The following PCDHA5 variants were observed in gnomAD, a reference collection of about 807,000 sequenced individuals.
The protein encoded by PCDHA5 is protocadherin alpha 5, also known as protocadherin alpha-5.
A neutral mutation model predicts 61.6 loss-of-function variants in PCDHA5; 43 were observed. That is an observed-to-expected ratio of 0.70 (90% CI 0.55 to 0.90). The LOEUF (loss-of-function observed/expected upper bound fraction) is 0.90, where lower values mean the gene tolerates loss of function less well. Among genes scored for constraint, PCDHA5 ranks in the 40% least tolerant of loss-of-function variants. The probability of loss-of-function intolerance (pLI) is 0.00; values close to 1 mark genes in which losing one functional copy is unlikely to be tolerated. For missense variants in PCDHA5, 1,298 were observed against 1,222.7 expected (o/e 1.06, Z -0.92); for synonymous variants, 627 against 543.9 (o/e 1.15, Z -2.13).
chr5:140,948,645 C>T (rs1468901970), intron 1 of PCDHA5, among the ~76,000 whole-genome samples: 1 of 151,562 alleles, frequency 6.6e-6, no homozygotes. Flanking sequence ...CATCTTTTAA[C>T]GTCTGTATAA....
At chr5:140,907,071 C>T (rs1220660624) in intron 1 of PCDHA5, among the ~76,000 whole-genome samples, 1 of 152,156 alleles carries the variant, frequency 6.6e-6, no homozygotes, top group African/African-American at 2.4e-5. Flanking sequence ...TAGTGGGTCA[C>T]TAGGGGTGAT....
At chr5:140,872,804 A>G (rs918819226) in intron 1 of PCDHA5, among the ~76,000 whole-genome samples, 1 of 152,170 alleles carries the variant, frequency 6.6e-6, no homozygotes, top group Admixed American at 6.5e-5. Flanking sequence ...ATTCTTCCAT[A>G]AGTTTTTCAG....
At chr5:140,920,133 C>T (rs1463322279) in intron 1 of PCDHA5, among the ~76,000 whole-genome samples, 1 of 152,178 alleles carries the variant, frequency 6.6e-6, no homozygotes, top group African/African-American at 2.4e-5. Flanking sequence ...AGTTTTAATT[C>T]TCCTCTCCAA....
intron 1 of PCDHA5, among the ~76,000 whole-genome samples, chr5:140,937,011 G>A (rs567332621): frequency 9.2e-5 from 14 of 151,352 alleles, no homozygotes; most frequent in Non-Finnish European, 1.8e-4. Flanking sequence ...ACAGACAACC[G>A]ATTAACAAGG....
At chr5:140,975,326 G>A (rs901942738) in intron 1 of PCDHA5, among the ~76,000 whole-genome samples, 2 of 152,216 alleles carry the variant, frequency 1.3e-5, no homozygotes, top group Non-Finnish European at 2.9e-5. Flanking sequence ...GTCCCATCCA[G>A]ATGATCTCCC....
In PCDHA5 at chr5:140,849,948, C is replaced by T. The variant is rs2150459540; in HGVS notation, c.2352+25821C>T. ...GGTGTCTGCGCGGGACGCTGACGCG[C>T]AGGAGAACGCCCTGGTGTCCTACTC... On this transcript the variant is annotated intron_variant, in intron 1 of 3. Coordinates refer to ENST00000529859, the MANE Select transcript of PCDHA5 (RefSeq NM_018908.3). 4 of 1,597,728 alleles carry T rather than the reference C, an allele frequency of 2.5e-6. 1 individual carries two copies. The East Asian group carries it at 8.9e-5, about 36-fold the overall frequency.
chr5:140,870,080 C>T (rs2051640102), intron 1 of PCDHA5: 1 of 1,613,722 alleles, frequency 6.2e-7, no homozygotes, highest in Non-Finnish European at 8.5e-7. Flanking sequence ...GATAAGGGGA[C>T]TCCCCCAATG....
At chr5:140,837,860 G>A (rs2150280331) in intron 1 of PCDHA5, among the ~76,000 whole-genome samples, 4 of 151,378 alleles carry the variant, frequency 2.6e-5, no homozygotes, top group Admixed American at 6.6e-5. Context: ...TTTTATTTTT[G>A]TAGAGACAGG....
chr5:140,926,767 C>A (rs1323702990), intron 1 of PCDHA5: 1 of 1,359,024 alleles, frequency 7.4e-7, no homozygotes, highest in East Asian at 2.7e-5. Context: ...AGTATCCAGC[C>A]CGCAGCAGTG....
At position 140,881,397 on chromosome 5, in the gene PCDHA5, T is replaced by C. The variant is rs571341331; in HGVS notation, c.2352+57270T>C. On this transcript the variant is annotated intron_variant, in intron 1 of 3. Transcript: ENST00000529859. ...CAGCCGGCGGCGGTAAGTTAAATTC[T>C]ATTAAATCAATAGGATATTAGTTCC... 20 of 979,006 alleles carry C rather than the reference T, an allele frequency of 2.0e-5. No homozygotes were observed. In the African/African-American group the frequency reaches 3.5e-4, roughly 17 times the overall value. 60.6% of individuals were successfully genotyped at this position (979,006 alleles called of 1,614,324 possible). A position where few individuals can be genotyped will look rare whatever the true frequency, so the allele number is the denominator to read the frequency against.
intron 1 of PCDHA5, chr5:140,835,704 G>A (rs2150242538): frequency 3.1e-6 from 5 of 1,613,772 alleles, no homozygotes; most frequent in Admixed American, 3.3e-5. Context: ...CACTGCTAGC[G>A]TGTCCGTGGA....
At position 141,011,477 on chromosome 5, in the gene PCDHA5, T is replaced by C. The variant is rs1256394490; in HGVS notation, c.*1540T>C. 2 of 153,818 alleles carry C rather than the reference T, an allele frequency of 1.3e-5. No homozygotes were observed. Among genetic ancestry groups the C allele is most frequent in the Non-Finnish European group, 2.9e-5 (2 of 68,052 alleles). The allele number at this position is 153,818 out of a possible 1,614,324, so 9.5% of individuals were successfully genotyped here. ...TTTATTGTTGAATGTAATTCCATTA[T>C]ATTTCCTTTTGTACACCTGTGAAAA... On this transcript the variant is annotated 3_prime_UTR_variant, in exon 4 of 4. Transcript: ENST00000529859.
At position 140,852,208 on chromosome 5, in the gene PCDHA5, C is replaced by G. The variant is rs536842960; in HGVS notation, c.2352+28081C>G. On this transcript the variant is annotated intron_variant, in intron 1 of 3. Transcript: ENST00000529859. ...AAATGCCAGTAACGTTTATTTAAAA[C>G]AAAATATTTTAATTTTTAAATTTTC... 9.1e-6 allele frequency: 6 copies of G among 657,544 alleles called. No homozygotes were observed. In the African/African-American group the frequency reaches 1.2e-4, roughly 13 times the overall value. The allele number at this position is 657,544 out of a possible 1,614,324, so 40.7% of individuals were successfully genotyped here. A position where few individuals can be genotyped will look rare whatever the true frequency, so the allele number is the denominator to read the frequency against.
At chr5:140,842,503 C>T (rs2150337582) in intron 1 of PCDHA5, 40 of 1,613,818 alleles carry the variant, frequency 2.5e-5, no homozygotes, top group South Asian at 2.0e-4. Context: ...CCCATGTCCC[C>T]TTCAAGCTGG....
intron 1 of PCDHA5, chr5:140,856,365 A>C: frequency 3.1e-6 from 5 of 1,598,426 alleles, no homozygotes; most frequent in Non-Finnish European, 2.6e-6. Flanking sequence ...ATCCACCTGG[A>C]GGTGATCGTG....
intron 1 of PCDHA5, chr5:140,829,680 T>C (rs1554132158): frequency 1.9e-6 from 3 of 1,613,098 alleles, no homozygotes; most frequent in African/African-American, 1.3e-5. Context: ...GAGCTAGAGC[T>C]GCTGCAGTTT....
At chr5:140,883,211 T>C in intron 1 of PCDHA5, 1 of 1,613,738 alleles carries the variant, frequency 6.2e-7, no homozygotes, top group Non-Finnish European at 8.5e-7. Context: ...AGAAAAGAAA[T>C]TATATGAAAT....
chr5:140,899,513 C>T (rs4552682), intron 1 of PCDHA5, among the ~76,000 whole-genome samples: 7,065 of 152,042 alleles, frequency 0.046, 286 homozygotes, highest in African/African-American at 0.11. Flanking sequence ...GCATATATTG[C>T]ATCCCAGGGA....
intron 1 of PCDHA5, chr5:140,850,349 G>T (rs1554144220): frequency 1.9e-6 from 3 of 1,597,844 alleles, no homozygotes; most frequent in Non-Finnish European, 2.6e-6. Flanking sequence ...CGGCCAGCGC[G>T]AGCATCCCGT....
Sources: gnomAD v4.1 joint callset for allele counts (sites outside exome capture counted in the v4.1 genomes callset) on GRCh38, gnomAD v4.1.1 for gene constraint, MANE v1.5 for transcripts, NCBI Gene and HGNC (gene_info 2026-07-23, HGNC 2026-07-21) for gene names.